BTN2A1: variants seen among roughly 807,000 people sequenced by gnomAD.
BTN2A1 encodes butyrophilin, subfamily 2, member A1.
In BTN2A1, 41 loss-of-function variants were observed where a neutral mutation model predicts 34.5. The observed-to-expected ratio is 1.19, with a 90% CI of 0.93 to 1.54. BTN2A1 has a LOEUF of 1.54. Ranked by LOEUF, BTN2A1 falls within the 40% of genes most tolerant of loss-of-function variation. The pLI, the probability that BTN2A1 is intolerant of heterozygous loss-of-function variation, is 0.00. For missense variants in BTN2A1, 642 were observed against 662.0 expected (o/e 0.97, Z 0.33); for synonymous variants, 267 against 258.6 (o/e 1.03, Z -0.31).
At chr6:26,460,745 T>C (rs1763143836) in intron 3 of BTN2A1, among the ~76,000 whole-genome samples, 1 of 151,968 alleles carries the variant, frequency 6.6e-6, no homozygotes, top group East Asian at 1.9e-4. Context: ...CCATCTCTAC[T>C]AAAAATACAG....
In BTN2A1 at chr6:26,463,292, G is replaced by A. The variant is rs1401257044; in HGVS notation, c.479G>A (p.Gly160Asp). 5.0e-6 allele frequency: 8 copies of A among 1,613,348 alleles called. No homozygotes were observed. Among genetic ancestry groups the A allele is most frequent in the Admixed American group, 1.7e-5 (1 of 59,944 alleles). The change falls in exon 4 of 8, where the codon GGC (glycine) becomes GAC (aspartate). Residue 160 changes from glycine to aspartate, a missense_variant. Physicochemically the swap from Gly to Asp is moderately conservative, Grantham distance 94. Coordinates refer to ENST00000312541, the MANE Select transcript of BTN2A1 (RefSeq NM_007049.5). ...LISMRGHEDGGIRLECISRGW... is the reference protein window; with the variant it reads ...LISMRGHEDGDIRLECISRGW... ...TCAATGAGGGGCCATGAAGACGGGG[G>A]CATCCGGCTGGAGTGCATATCTAGA...
intron 3 of BTN2A1, among the ~76,000 whole-genome samples, chr6:26,462,192 C>CT: frequency 6.6e-6 from 1 of 152,152 alleles, no homozygotes; most frequent in Non-Finnish European, 1.5e-5. Context: ...TTTTGCAGCT[C>CT]TTTCATACCT....
downstream of BTN2A1, among the ~76,000 whole-genome samples, chr6:26,472,926 T>A (rs1763476395): frequency 6.6e-6 from 1 of 152,180 alleles, no homozygotes; most frequent in South Asian, 2.1e-4. Flanking sequence ...GCTGAATGGT[T>A]TGTGAGTATG....
At chr6:26,463,633 G>T in intron 4 of BTN2A1, 108 bp downstream of exon 4, 1 of 1,312,284 alleles carries the variant, frequency 7.6e-7, no homozygotes, top group East Asian at 2.3e-5. Flanking sequence ...ATAGTCCTGG[G>T]CCCTAAGGAC....
At chr6:26,461,196 T>C (rs549306052) in intron 3 of BTN2A1, among the ~76,000 whole-genome samples, 52 of 152,350 alleles carry the variant, frequency 3.4e-4, no homozygotes, top group African/African-American at 1.1e-3. Flanking sequence ...TGACCAGTTA[T>C]GGTTTCTGCG....
At chr6:26,474,921 T>C (rs1451673352) in intron 7 of BTN2A1, among the ~76,000 whole-genome samples, 1 of 152,088 alleles carries the variant, frequency 6.6e-6, no homozygotes, top group African/African-American at 2.4e-5. Context: ...GCAAATTTTT[T>C]GTATTTTTAA....
rs993907698 is a variant in BTN2A1, at chr6:26,476,345, C to T, written c.*213C>T. On this transcript the variant is annotated 3_prime_UTR_variant, in exon 8 of 8. Coordinates refer to the BTN2A1 transcript ENST00000469185. Reference sequence around the variant, plus strand: ...GGCTGAAGCTCCTGACAGACTCACACCAGTATCTTGCTGCTCCAGAAAGGT... The same window carrying T: ...GGCTGAAGCTCCTGACAGACTCACATCAGTATCTTGCTGCTCCAGAAAGGT... The T allele has an allele frequency of 3.4e-5, 26 of 762,300 alleles. No homozygotes were observed. The highest frequency in any genetic ancestry group is 3.2e-4 in the African/African-American group (19 of 58,850). 47.2% of individuals were successfully genotyped at this position (762,300 alleles called of 1,614,324 possible).
intron 3 of BTN2A1, among the ~76,000 whole-genome samples, chr6:26,460,232 C>T (rs1288082084): frequency 6.6e-6 from 1 of 152,048 alleles, no homozygotes; most frequent in Non-Finnish European, 1.5e-5. Context: ...CCTCTGCCTC[C>T]CAGGTTGCAC....
At chr6:26,465,494 C>G (rs1027447023) in intron 5 of BTN2A1, 88 bp downstream of exon 5, 2 of 1,234,310 alleles carry the variant, frequency 1.6e-6, no homozygotes, top group South Asian at 2.6e-5. Context: ...CCCTGGAGTT[C>G]GAGACCAGCC....
At position 26,459,805 on chromosome 6, in the gene BTN2A1, C is replaced by G; in HGVS notation, c.407C>G (p.Ala136Gly). Reference sequence around the variant, plus strand: ...CAAGAAGGCAGGTCCTACGATGAGGCCATCCTGCACCTCGTAGTGGCAGGT... The same window carrying G: ...CAAGAAGGCAGGTCCTACGATGAGGGCATCCTGCACCTCGTAGTGGCAGGT... ...YFQEGRSYDE[A>G]ILHLVVAGLG... The change falls in exon 3 of 8, where the codon GCC becomes GGC. Residue 136 changes from alanine (A) to glycine (G), a missense_variant. Ala to Gly is a moderately conservative substitution (Grantham distance 60). Coordinates refer to ENST00000312541, the MANE Select transcript of BTN2A1 (RefSeq NM_007049.5). The G allele has an allele frequency of 6.2e-7, 1 of 1,613,246 alleles. No individual in the cohort carries two copies. Among genetic ancestry groups the G allele is most frequent in the East Asian group, 2.2e-5 (1 of 44,868 alleles).
Position 26,463,372 on chromosome 6 carries a change from C to T in BTN2A1, c.559C>T (p.Pro187Ser), listed in dbSNP as rs368618565. 2.0e-5 allele frequency: 33 copies of T among 1,613,946 alleles called. No homozygotes were observed. The highest frequency in any genetic ancestry group is 5.0e-5 in the Admixed American group (3 of 60,002). ...GAGGGACCCCTACGGTGGGGTTGCGCCTGCCCTGAAAGAGGTCTCCATGCC... is the reference window on the plus strand; with the variant it reads ...GAGGGACCCCTACGGTGGGGTTGCGTCTGCCCTGAAAGAGGTCTCCATGCC... Reference protein sequence around the residue: ...VWRDPYGGVAPALKEVSMPDA... With the variant: ...VWRDPYGGVASALKEVSMPDA... Residue 187 changes from proline to serine, a missense_variant, in exon 4 of 8, where the codon CCT becomes TCT. Pro to Ser is a moderately conservative substitution (Grantham distance 74, BLOSUM62 -1). Transcript: ENST00000312541.
chr6:26,465,130 C>A, intron 4 of BTN2A1, 55 bp from the exon 5 acceptor site: 2 of 1,509,776 alleles, frequency 1.3e-6, no homozygotes, highest in Non-Finnish European at 1.8e-6. Context: ...TAGGGGCACT[C>A]TTACCCCAGA....
rs1763282790 is a variant in BTN2A1 at position 26,465,343 on chromosome 6, G to C, written c.871G>C (p.Glu291Gln). 6.2e-7 allele frequency: 1 copy of C among 1,614,118 alleles called. No homozygotes were observed. The highest frequency in any genetic ancestry group is 2.2e-5 in the East Asian group (1 of 44,888). ...AAAGGAGTTTGAACGGGAAACAAGA[G>C]AAATTGCTCTAAAGGAACTGGAGAA... The part of the protein sequence containing the change: ...GEKEFERETR[E>Q]IALKELEKER... The change falls in exon 5 of 8, where the codon GAA (glutamate) becomes CAA (glutamine). Residue 291 changes from glutamate to glutamine, a missense_variant. Physicochemically the swap from Glu to Gln is conservative, Grantham distance 29. Coordinates refer to ENST00000312541, the MANE Select transcript of BTN2A1 (RefSeq NM_007049.5).
At chr6:26,476,008 T>G in intron 7 of BTN2A1, 1 of 892,596 alleles carries the variant, frequency 1.1e-6, no homozygotes, top group South Asian at 1.4e-5. Context: ...TGAAAGTAAA[T>G]AACATATTAT....
chr6:26,463,750 TG>T (rs1294129254), intron 4 of BTN2A1, among the ~76,000 whole-genome samples: 6 of 84,910 alleles, frequency 7.1e-5, no homozygotes, highest in African/African-American at 5.3e-4. Context: ...AACCTGTTTT[TG>T]TTGTTGTTGT....
At chr6:26,467,255 A>G (rs1320584758) in intron 7 of BTN2A1, among the ~76,000 whole-genome samples, 1 of 152,196 alleles carries the variant, frequency 6.6e-6, no homozygotes, top group Admixed American at 6.5e-5. Flanking sequence ...GTTTAAGCCA[A>G]GTTGGAAAGT....
Position 26,461,216 on chromosome 6 carries a change from T to TCTG in BTN2A1, c.430+1390_430+1392dup, listed in dbSNP as rs562152292. On this transcript the variant is annotated intron_variant, in intron 3 of 7. Coordinates refer to ENST00000312541, the MANE Select transcript of BTN2A1 (RefSeq NM_007049.5). ...AGTTATGGTTTCTGCGCGGCAGGAATCTGCCATTCTTTGCCTATAAAACTG... is the reference window on the plus strand; with the variant it reads ...AGTTATGGTTTCTGCGCGGCAGGAATCTGCTGCCATTCTTTGCCTATAAAACTG... 3.7e-4 allele frequency among the ~76,000 whole-genome samples: 57 copies of TCTG among 152,390 alleles called. No homozygotes were observed. The East Asian group carries it at 8.3e-3, about 22-fold the overall frequency.
intron 2 of BTN2A1, among the ~76,000 whole-genome samples, chr6:26,459,236 G>C (rs1359723966): frequency 6.6e-6 from 1 of 152,306 alleles, no homozygotes; most frequent in East Asian, 1.9e-4. Flanking sequence ...AGGGCACAGG[G>C]TGGACAGAGG....
At chr6:26,474,788 T>C (rs6925193) in intron 7 of BTN2A1, among the ~76,000 whole-genome samples, 119,679 of 150,134 alleles carry the variant, frequency 0.8, 47,908 homozygotes, top group South Asian at 0.93. Context: ...GTCTCACTGT[T>C]GCCCAGGCTG....
Sources: allele counts gnomAD v4.1 joint callset (sites outside exome capture counted in the v4.1 genomes callset), GRCh38; gene constraint gnomAD v4.1.1; transcripts MANE v1.5; gene names NCBI Gene and HGNC (gene_info 2026-07-23, HGNC 2026-07-21).